Variants in SLC22A17 observed in about 807,000 individuals in gnomAD.
SLC22A17 encodes the protein solute carrier family 22 member 17.
In SLC22A17, 38 loss-of-function variants were observed where a neutral mutation model predicts 53.6. The ratio of observed to expected loss-of-function variants is 0.71; its 90% CI spans 0.55 to 0.93. The LOEUF is 0.93. Among genes scored for constraint, SLC22A17 ranks in the 40% least tolerant of loss-of-function variants. The probability of loss-of-function intolerance (pLI) is 0.00; values close to 1 mark genes in which losing one functional copy is unlikely to be tolerated. For synonymous variants in SLC22A17, 379 were observed against 353.0 expected, an observed-to-expected ratio of 1.07 and a Z score of -0.82; for missense variants, 704 against 791.0, an observed-to-expected ratio of 0.89 and a Z score of 1.32.
intron 3 of SLC22A17, among the ~76,000 whole-genome samples, chr14:23,350,032 G>A (rs1249388734): frequency 3.3e-5 from 5 of 152,260 alleles, no homozygotes; most frequent in South Asian, 2.1e-4. Flanking sequence ...CAGGCTGGGC[G>A]CAGTGGCTCA....
exon 10 of SLC22A17, chr14:23,346,372 T>C (rs1889171957): frequency 2.5e-6 from 1 of 400,256 alleles, no homozygotes; most frequent in Admixed American, 4.2e-5. Flanking sequence ...CAAGAAATAA[T>C]GAGGTCTGGG....
rs888225563 is a variant in SLC22A17 at position 23,348,777 on chromosome 14, C to T, written c.860-106G>A. 33 of 1,243,734 alleles carry T rather than the reference C, an allele frequency of 2.7e-5. No homozygotes were observed. The highest frequency in any genetic ancestry group is 3.4e-5 in the Non-Finnish European group (31 of 916,284). 77.0% of individuals were successfully genotyped at this position (1,243,734 alleles called of 1,614,324 possible). ...GAGGAGGACAGAGAGAGAGGTCAGA[C>T]CCAGAGTGGAGGCTGCAGCCATTGC... On this transcript the variant is annotated intron_variant, in intron 4 of 9. Coordinates refer to ENST00000397267, the Ensembl canonical transcript of SLC22A17. This position sits in a 1 kb window ranked among gnomAD's most constrained non-coding sequence, Gnocchi z 4.5.
At chr14:23,350,994 A>T (rs1184145573) in intron 3 of SLC22A17, 1 of 152,238 alleles carries the variant, frequency 6.6e-6, no homozygotes, top group Non-Finnish European at 1.5e-5. Context: ...TCGGAAGTTT[A>T]GTGCAGTGAG....
chr14:23,352,155 G>T lies in SLC22A17; in HGVS notation c.393C>A (p.Phe131Leu), dbSNP rs1332348354. The stretch of plus-strand genomic sequence containing the variant: ...GCTCCCAGCCAGAGGCATTAGGGGG[G>T]AAGGCCCCGTAGTGGCAATGCAGCG... The change falls in exon 2 of 10, where the codon TTC (phenylalanine) becomes TTA (leucine). Residue 131 changes from phenylalanine to leucine, a missense_variant. Transcript: ENST00000397267. This position sits in a 1 kb window ranked among gnomAD's most constrained non-coding sequence, Gnocchi z 7.2. 1 of 1,561,102 alleles carries T rather than the reference G, an allele frequency of 6.4e-7. No individual in the cohort carries two copies. Among genetic ancestry groups the T allele is most frequent in the Non-Finnish European group, 8.6e-7 (1 of 1,157,066 alleles).
At position 23,352,139 on chromosome 14, in the gene SLC22A17, C is replaced by T; in HGVS notation, c.409G>A (p.Gly137Ser). The T allele has an allele frequency of 6.3e-7, 1 of 1,575,312 alleles. No individual in the cohort carries two copies. Among genetic ancestry groups the T allele is most frequent in the South Asian group, 1.2e-5 (1 of 85,518 alleles). Reference sequence around the variant, plus strand: ...CTGGCATTGGGAGGCTGCTCCCAGCCAGAGGCATTAGGGGGGAAGGCCCCG... The same window carrying T: ...CTGGCATTGGGAGGCTGCTCCCAGCTAGAGGCATTAGGGGGGAAGGCCCCG... Residue 137 changes from glycine to serine, a missense_variant, in exon 2 of 10, where the codon GGC (glycine) becomes AGC (serine). Transcript: ENST00000397267. This position sits in a 1 kb window ranked among gnomAD's most constrained non-coding sequence, Gnocchi z 7.2.
chr14:23,349,502 C>T (rs1889489489), intron 3 of SLC22A17, 76 bp from the exon 4 acceptor site: 1 of 1,480,794 alleles, frequency 6.8e-7, no homozygotes, highest in Non-Finnish European at 9.1e-7. Context: ...CCCAGCTGCA[C>T]ACTTCAGAGC....
chr14:23,348,351 C>T lies in SLC22A17; in HGVS notation c.1026-45G>A, dbSNP rs375708066. On this transcript the variant is annotated intron_variant, in intron 5 of 9. Coordinates refer to ENST00000397267, the Ensembl canonical transcript of SLC22A17. This position sits in a 1 kb window ranked among gnomAD's most constrained non-coding sequence, Gnocchi z 4.5. ...GGTATACTGTGAGGCCTCCCTTCTC[C>T]TGATCTAGGGGTGGGAAATGTGCAC... is the stretch of plus-strand genomic sequence containing the variant. 1.8e-5 allele frequency: 29 copies of T among 1,609,330 alleles called. No individual in the cohort carries two copies. The African/African-American group carries it at 2.9e-4, about 16-fold the overall frequency.
At chr14:23,346,684 G>T in exon 10 of SLC22A17, 2 of 1,526,610 alleles carry the variant, frequency 1.3e-6, no homozygotes, top group Admixed American at 2.0e-5. Context: ...GCAGCGGGAC[G>T]TGGTCACAGC....
rs1889420482 is a variant in SLC22A17, at chr14:23,348,782, A to AGTGGAGGCT, written c.860-120_860-112dup. The AGTGGAGGCT allele has an allele frequency of 5.0e-6, 6 of 1,196,332 alleles. No individual in the cohort carries two copies. The highest frequency in any genetic ancestry group is 2.8e-5 in the Admixed American group (1 of 35,228). The allele number at this position is 1,196,332 out of a possible 1,614,324, so 74.1% of individuals were successfully genotyped here. ...GGACAGAGAGAGAGGTCAGACCCAG[A>AGTGGAGGCT]GTGGAGGCTGCAGCCATTGCCTCCC... On this transcript the variant is annotated intron_variant, in intron 4 of 9. Coordinates refer to ENST00000397267, the Ensembl canonical transcript of SLC22A17. The surrounding 1 kb of genome is among the most constrained non-coding windows in gnomAD (Gnocchi z 4.5).
intron 3 of SLC22A17, chr14:23,351,115 C>A (rs561123969): frequency 6.6e-6 from 1 of 152,246 alleles, no homozygotes; most frequent in Admixed American, 6.5e-5. Flanking sequence ...GTGAAGCTAC[C>A]GACTCATGGA....
intron 3 of SLC22A17, 147 bp from the exon 4 acceptor site, chr14:23,349,573 A>T: frequency 3.2e-6 from 3 of 932,872 alleles, no homozygotes; most frequent in Non-Finnish European, 4.7e-6. Context: ...GAAGATGGGG[A>T]GGGATGGGGA....
chr14:23,346,504 G>T, exon 10 of SLC22A17: 1 of 1,049,548 alleles, frequency 9.5e-7, no homozygotes, highest in Non-Finnish European at 1.3e-6. Context: ...GCAGGGTGGG[G>T]ACGGCCCTCT....
intron 3 of SLC22A17, 86 bp from the exon 4 acceptor site, chr14:23,349,512 C>A: frequency 6.9e-7 from 1 of 1,442,158 alleles, no homozygotes; most frequent in South Asian, 1.4e-5. Context: ...CACTTCAGAG[C>A]TAGAGGTATG....
At position 23,348,688 on chromosome 14, in the gene SLC22A17, G is replaced by T. The variant is rs1251416644; in HGVS notation, c.860-17C>A. On this transcript the variant is annotated splice_polypyrimidine_tract_variant and intron_variant, in intron 4 of 9. Coordinates refer to ENST00000397267, the Ensembl canonical transcript of SLC22A17. The surrounding 1 kb of genome is among the most constrained non-coding windows in gnomAD (Gnocchi z 4.5). ...GCTCCAGGCCTGGAGATACAGCAGGGGTGGAGAGAGGAGAGGGAGGCCAGG... is the reference window on the plus strand; with the variant it reads ...GCTCCAGGCCTGGAGATACAGCAGGTGTGGAGAGAGGAGAGGGAGGCCAGG... 3 of 1,593,620 alleles carry T rather than the reference G, an allele frequency of 1.9e-6. No individual in the cohort carries two copies. The highest frequency in any genetic ancestry group is 3.6e-5 in the Admixed American group (2 of 56,014).
rs189508179 is a variant in SLC22A17, at chr14:23,352,344, G to T, written c.204C>A (p.Ser68Arg). The change falls in exon 2 of 10, where the codon AGC becomes AGA. Residue 68 changes from serine (S) to arginine (R), a missense_variant. Coordinates refer to ENST00000397267, the Ensembl canonical transcript of SLC22A17. This position sits in a 1 kb window ranked among gnomAD's most constrained non-coding sequence, Gnocchi z 7.2. Reference sequence around the variant, plus strand: ...GGCCTGGGGGCACGGCCAGCGACAGGCTGCTGCCCAGTCCGTCGCCGCCCG... The same window carrying T: ...GGCCTGGGGGCACGGCCAGCGACAGTCTGCTGCCCAGTCCGTCGCCGCCCG... 2,759 of 1,092,404 alleles carry T rather than the reference G, an allele frequency of 2.5e-3. 7 individuals are homozygous for T. Among genetic ancestry groups the T allele is most frequent in the Non-Finnish European group, 3.0e-3 (2,427 of 819,228 alleles). 67.7% of individuals were successfully genotyped at this position (1,092,404 alleles called of 1,614,324 possible). A position where few individuals can be genotyped will look rare whatever the true frequency, so the allele number is the denominator to read the frequency against.
In SLC22A17 at chr14:23,347,764, G is replaced by T; in HGVS notation, c.1278-33C>A. 27 of 1,610,880 alleles carry T rather than the reference G, an allele frequency of 1.7e-5. No homozygotes were observed. The highest frequency in any genetic ancestry group is 2.3e-5 in the Non-Finnish European group (27 of 1,177,952). On this transcript the variant is annotated intron_variant, in intron 7 of 9. Coordinates refer to ENST00000397267, the Ensembl canonical transcript of SLC22A17. This position sits in a 1 kb window ranked among gnomAD's most constrained non-coding sequence, Gnocchi z 5.1. ...AAGGGGTGGGGAAGCAACGAACAGA[G>T]CCTGAATCCCCTCCCGCAGCCTTCT...
At position 23,347,272 on chromosome 14, in the gene SLC22A17, C is replaced by T. The variant is rs376310144; in HGVS notation, c.1550-60G>A. ...GGGGAGGTCAAGGCTGGCCTAGTCC[C>T]GGGTGTCATCCCCTTGGCTCTCTGT... is the stretch of plus-strand genomic sequence containing the variant. On this transcript the variant is annotated intron_variant, in intron 8 of 9. Coordinates refer to ENST00000397267, the Ensembl canonical transcript of SLC22A17. This position sits in a 1 kb window ranked among gnomAD's most constrained non-coding sequence, Gnocchi z 5.1. The T allele has an allele frequency of 1.6e-5, 25 of 1,517,868 alleles. No homozygotes were observed. In the East Asian group the frequency reaches 4.5e-4, roughly 27 times the overall value. 94.0% of individuals were successfully genotyped at this position (1,517,868 alleles called of 1,614,324 possible). A position where few individuals can be genotyped will look rare whatever the true frequency, so the allele number is the denominator to read the frequency against.
In SLC22A17 at chr14:23,352,095, G is replaced by A. The variant is rs1295070974; in HGVS notation, c.453C>T (p.Ser151=). 4.4e-6 allele frequency: 7 copies of A among 1,586,494 alleles called. No individual in the cohort carries two copies. The highest frequency in any genetic ancestry group is 2.6e-6 in the Non-Finnish European group (3 of 1,167,670). ...TGGCGGCGCTGGCTGCTAGGGCAGC[G>A]CTGGCGACGCTGACGCCGCTGGCAT... The change falls in exon 2 of 10, where the codon AGC becomes AGT. Residue 151 remains serine (S), a synonymous_variant. Coordinates refer to ENST00000397267, the Ensembl canonical transcript of SLC22A17. This position sits in a 1 kb window ranked among gnomAD's most constrained non-coding sequence, Gnocchi z 7.2.
exon 10 of SLC22A17, chr14:23,346,610 G>C: frequency 6.9e-7 from 1 of 1,442,124 alleles, no homozygotes; most frequent in Non-Finnish European, 9.1e-7. Context: ...CCACCTTTCT[G>C]TGTGGGCCAG....
Sources: gnomAD v4.1 joint callset for allele counts (sites outside exome capture counted in the v4.1 genomes callset) on GRCh38, gnomAD v4.1.1 for gene constraint, Gnocchi (gnomAD v3.1) non-coding constraint, MANE v1.5 for transcripts, NCBI Gene and HGNC (gene_info 2026-07-23, HGNC 2026-07-21) for gene names.